The following STAC variants were observed in gnomAD, a reference collection of about 807,000 sequenced individuals.
The protein encoded by STAC is SH3 and cysteine-rich domain-containing protein.
A neutral mutation model predicts 48.8 loss-of-function variants in STAC; 43 were observed. The observed-to-expected ratio is 0.88, with a 90% CI of 0.69 to 1.14. The LOEUF (loss-of-function observed/expected upper bound fraction) is 1.14. Ranked by LOEUF, STAC falls within the 50% of genes most tolerant of loss-of-function variation. The probability of loss-of-function intolerance (pLI) is 0.00; values close to 1 mark genes in which losing one functional copy is unlikely to be tolerated. For synonymous variants in STAC, 193 were observed against 179.5 expected, an observed-to-expected ratio of 1.07 and a Z score of -0.60; for missense variants, 497 against 504.0, an observed-to-expected ratio of 0.99 and a Z score of 0.13.
At chr3:36,419,639 A>C (rs116138546) in intron 1 of STAC, among the ~76,000 whole-genome samples, 2,818 of 152,210 alleles carry the variant, frequency 0.019, 42 homozygotes, top group African/African-American at 0.037. Context: ...CAATGGCCTG[A>C]CAGAAAGTTT....
intron 1 of STAC, among the ~76,000 whole-genome samples, chr3:36,381,752 A>G (rs1699514352): frequency 6.6e-6 from 1 of 152,208 alleles, no homozygotes; most frequent in Non-Finnish European, 1.5e-5. Context: ...AGGAGGATGA[A>G]AATCACAGCC....
intron 1 of STAC, among the ~76,000 whole-genome samples, chr3:36,411,833 C>G (rs1700201451): frequency 6.6e-6 from 1 of 152,178 alleles, no homozygotes. Context: ...CACTTCCTAT[C>G]AGCATGTAAC....
chr3:36,452,132 C>G (rs1029638997), intron 2 of STAC, among the ~76,000 whole-genome samples: 2 of 152,206 alleles, frequency 1.3e-5, no homozygotes, highest in African/African-American at 4.8e-5. Context: ...AAATCAGCTG[C>G]AGTATCAGGT....
rs1292375962 is a variant in STAC at position 36,411,158 on chromosome 3, G to A, written c.111+30404G>A. 2.6e-5 allele frequency among the ~76,000 whole-genome samples: 4 copies of A among 152,246 alleles called. No homozygotes were observed. The East Asian group carries it at 5.8e-4, about 22-fold the overall frequency. On this transcript the variant is annotated intron_variant, in intron 1 of 10. Coordinates refer to ENST00000273183, the MANE Select transcript of STAC (RefSeq NM_003149.3). ...CACATCCAACCCACTAAGAAATCCT[G>A]TAGACTACAACTTCAAAATATTTCC...
intron 1 of STAC, among the ~76,000 whole-genome samples, chr3:36,433,691 C>T (rs1278572616): frequency 6.6e-6 from 1 of 152,164 alleles, no homozygotes; most frequent in Non-Finnish European, 1.5e-5. Flanking sequence ...TCTCACCATG[C>T]TGACTTCTCA....
chr3:36,542,091 G>A (rs1699342394), intron 10 of STAC, among the ~76,000 whole-genome samples: 1 of 151,988 alleles, frequency 6.6e-6, no homozygotes. Flanking sequence ...GGGGAGAGGA[G>A]AAGAGGAAAG....
intron 2 of STAC, among the ~76,000 whole-genome samples, chr3:36,466,228 C>T (rs1408265261): frequency 6.6e-6 from 1 of 151,960 alleles, no homozygotes; most frequent in East Asian, 1.9e-4. Context: ...GGCTTTATTT[C>T]TGGGTTCTAT....
At chr3:36,447,070 A>C (rs1308029215) in intron 2 of STAC, among the ~76,000 whole-genome samples, 2 of 152,110 alleles carry the variant, frequency 1.3e-5, no homozygotes, top group African/African-American at 4.8e-5. Flanking sequence ...GAGGCAGGCT[A>C]AGTAGCTAAG....
At chr3:36,447,872 T>C (rs573321677) in intron 2 of STAC, among the ~76,000 whole-genome samples, 1 of 152,330 alleles carries the variant, frequency 6.6e-6, no homozygotes, top group Admixed American at 6.5e-5. Context: ...GTGTACAGCT[T>C]GTAAATAATA....
intron 2 of STAC, among the ~76,000 whole-genome samples, chr3:36,480,138 T>G (rs1697604489): frequency 6.6e-6 from 1 of 152,224 alleles, no homozygotes; most frequent in African/African-American, 2.4e-5. Flanking sequence ...ATGAAATAAC[T>G]TCCTCTTTGA....
Position 36,380,661 on chromosome 3 carries a change from C to G in STAC, c.18C>G (p.Ser6Arg), listed in dbSNP as rs1699487411. Reference sequence around the variant, plus strand: ...CGGCCACGATGATCCCTCCGAGCAGCCCCCGCGAGGACGGCGTGGACGGGC... The same window carrying G: ...CGGCCACGATGATCCCTCCGAGCAGGCCCCGCGAGGACGGCGTGGACGGGC... The part of the protein sequence containing the change: MIPPS[S>R]PREDGVDGLP... The change falls in exon 1 of 11, where the codon AGC becomes AGG. Residue 6 changes from serine to arginine, a missense_variant. Coordinates refer to ENST00000273183, the MANE Select transcript of STAC (RefSeq NM_003149.3). The G allele has an allele frequency of 1.3e-6, 2 of 1,597,892 alleles. No individual in the cohort carries two copies. Among genetic ancestry groups the G allele is most frequent in the African/African-American group, 1.3e-5 (1 of 74,624 alleles).
intron 1 of STAC, among the ~76,000 whole-genome samples, chr3:36,430,171 C>G (rs1464477023): frequency 6.6e-6 from 1 of 152,148 alleles, no homozygotes; most frequent in African/African-American, 2.4e-5. Flanking sequence ...ACATAGAATG[C>G]CTATCCTATG....
rs1324858546 is a variant in STAC at position 36,443,741 on chromosome 3, T to A, written c.388+101T>A. On this transcript the variant is annotated intron_variant, in intron 2 of 10. Transcript: ENST00000273183. This position sits in a 1 kb window ranked among gnomAD's most constrained non-coding sequence, Gnocchi z 4.2. ...GGTACCTACGGACAGATGCTAGGCCTCAGAGATTTACATGTGGGAAGATCA... is the reference window on the plus strand; with the variant it reads ...GGTACCTACGGACAGATGCTAGGCCACAGAGATTTACATGTGGGAAGATCA... 31 of 1,434,730 alleles carry A rather than the reference T, an allele frequency of 2.2e-5. No homozygotes were observed. The highest frequency in any genetic ancestry group is 2.9e-5 in the Non-Finnish European group (31 of 1,056,262). The allele number at this position is 1,434,730 out of a possible 1,614,324, so 88.9% of individuals were successfully genotyped here. A position where few individuals can be genotyped will look rare whatever the true frequency, so the allele number is the denominator to read the frequency against.
At chr3:36,395,430 T>C (rs545716041) in intron 1 of STAC, among the ~76,000 whole-genome samples, 3 of 152,266 alleles carry the variant, frequency 2.0e-5, no homozygotes, top group African/African-American at 7.2e-5. Flanking sequence ...GGAATTTCGA[T>C]GACAAGTAGA....
At chr3:36,493,284 G>A in intron 6 of STAC, 55 bp downstream of exon 6, 1 of 1,557,020 alleles carries the variant, frequency 6.4e-7, no homozygotes, top group Non-Finnish European at 8.8e-7. Context: ...AGGGTCAGTG[G>A]GCAGGCCAAG....
At chr3:36,465,947 C>T (rs1055349371) in intron 2 of STAC, among the ~76,000 whole-genome samples, 1 of 152,090 alleles carries the variant, frequency 6.6e-6, no homozygotes, top group Non-Finnish European at 1.5e-5. Flanking sequence ...CCAGACACAC[C>T]CAGGATTAAT....
At chr3:36,442,123 C>T (rs1261221446) in intron 1 of STAC, among the ~76,000 whole-genome samples, 2 of 152,204 alleles carry the variant, frequency 1.3e-5, no homozygotes, top group Admixed American at 1.3e-4. Flanking sequence ...TCTGCATGAT[C>T]CATTGATCAT....
At chr3:36,468,612 TTATATATTTATAGGTGCA>T (rs1175066720) in intron 2 of STAC, among the ~76,000 whole-genome samples, 1 of 148,596 alleles carries the variant, frequency 6.7e-6, no homozygotes, top group Non-Finnish European at 1.5e-5. Context: ...ATATATATAT[TTATATATTTATAGGTGCA>T]TATATATTTA....
intron 1 of STAC, among the ~76,000 whole-genome samples, chr3:36,383,613 A>G (rs112595965): frequency 1.3e-5 from 2 of 152,286 alleles, no homozygotes; most frequent in African/African-American, 4.8e-5. Flanking sequence ...CAATTAGCAC[A>G]TATTTCAGGT....
Sources: allele counts gnomAD v4.1 joint callset (sites outside exome capture counted in the v4.1 genomes callset), GRCh38; gene constraint gnomAD v4.1.1; non-coding constraint Gnocchi (gnomAD v3.1); transcripts MANE v1.5; gene names NCBI Gene and HGNC (gene_info 2026-07-23, HGNC 2026-07-21).